Variants in ACOT6 observed in about 807,000 individuals in gnomAD.
ACOT6 encodes acyl-coenzyme A thioesterase 6.
In ACOT6, 14 loss-of-function variants were observed where a neutral mutation model predicts 12.3. The observed-to-expected ratio is 1.14, with a 90% CI of 0.75 to 1.78. The LOEUF is 1.78. Among genes scored for constraint, ACOT6 ranks in the 40% most tolerant of loss-of-function variants. The pLI is 0.00. For synonymous variants in ACOT6, 218 were observed against 231.3 expected (o/e 0.94, Z 0.52); for missense variants, 523 against 551.8 (o/e 0.95, Z 0.52).
Position 73,617,040 on chromosome 14 carries a change from C to T in ACOT6, c.508C>T (p.Leu170Phe). The change falls in exon 2 of 3, where the codon CTT becomes TTT. Residue 170 changes from leucine (L) to phenylalanine (F), a missense_variant. By Grantham distance (22) the Leu-to-Phe change is conservative (BLOSUM62 0). This residue lies in a region of ACOT6 where 304 missense variants were observed against 274.8 expected (regional missense o/e 1.11). Coordinates refer to ENST00000645972, the MANE Select transcript of ACOT6 (RefSeq NM_001365788.1). Reference sequence around the variant, plus strand: ...TGATCTGTTTGGGAGCAGCAGGGGCCTTTGTGAATACAGGGCCAGCCTCCT... The same window carrying T: ...TGATCTGTTTGGGAGCAGCAGGGGCTTTTGTGAATACAGGGCCAGCCTCCT... ...IIDLFGSSRG[L>F]CEYRASLLAG... 9.4e-7 allele frequency: 1 copy of T among 1,066,158 alleles called. No homozygotes were observed. Among genetic ancestry groups the T allele is most frequent in the Non-Finnish European group, 1.5e-6 (1 of 689,266 alleles). 66.0% of individuals were successfully genotyped at this position (1,066,158 alleles called of 1,614,324 possible).
chr14:73,617,174 T>C lies in ACOT6; in HGVS notation c.642T>C (p.Phe214=), dbSNP rs972966221. The C allele has an allele frequency of 2.5e-6, 4 of 1,614,206 alleles. No individual in the cohort carries two copies. The highest frequency in any genetic ancestry group is 3.4e-6 in the Non-Finnish European group (4 of 1,180,046). ...AGTACTTTGAAGAAGCCGTGGACTT[T>C]ATGCTGCAGCATCCAAAGGTGCGTT... The part of the protein sequence containing the change: ...HLEYFEEAVD[F]MLQHPKVKGP... The change falls in exon 2 of 3, where the codon TTT becomes TTC. Residue 214 remains phenylalanine (F), a synonymous_variant. Transcript: ENST00000645972.
At chr14:73,613,341 G>C (rs1243604255) in intron 1 of ACOT6, among the ~76,000 whole-genome samples, 1 of 152,110 alleles carries the variant, frequency 6.6e-6, no homozygotes, top group Non-Finnish European at 1.5e-5. Flanking sequence ...GTGCTGAATA[G>C]TGCATTCAAC....
chr14:73,615,399 A>AAAAG (rs1890518403), intron 1 of ACOT6, among the ~76,000 whole-genome samples: 1 of 143,818 alleles, frequency 7.0e-6, no homozygotes, highest in African/African-American at 2.6e-5. Context: ...AAAAAAAAAA[A>AAAAG]AAAAAAAACA....
upstream of ACOT6, chr14:73,611,391 G>T (rs1890442739): frequency 6.6e-6 from 1 of 152,180 alleles, no homozygotes; most frequent in African/African-American, 2.4e-5. Context: ...CTATCAGACT[G>T]CCCCCTTCCC....
intron 1 of ACOT6, among the ~76,000 whole-genome samples, chr14:73,614,090 G>C (rs1890494838): frequency 6.6e-6 from 1 of 150,494 alleles, no homozygotes; most frequent in Admixed American, 6.6e-5. Context: ...AGTCCCAGCT[G>C]CTTGGGAGGC....
In ACOT6 at chr14:73,619,583, T is replaced by G. The variant is rs1184660659; in HGVS notation, c.1010T>G (p.Ile337Arg). The G allele has an allele frequency of 1.2e-6, 2 of 1,614,100 alleles. No individual in the cohort carries two copies. The highest frequency in any genetic ancestry group is 2.7e-5 in the African/African-American group (2 of 74,936). Residue 337 changes from isoleucine to arginine, a missense_variant, in exon 3 of 3, where the codon ATA becomes AGA. Ile to Arg is a moderately conservative substitution (Grantham distance 97). Coordinates refer to ENST00000645972, the MANE Select transcript of ACOT6 (RefSeq NM_001365788.1). ...TGGAAGAGTGAATTCTATGCTCAGA[T>G]AGCCTCTGAAAGGCTACAAGCTCAT... ...QSWKSEFYAQ[I>R]ASERLQAHGK...
rs1323671505 is a variant in ACOT6, at chr14:73,612,912, C to T, written c.341C>T (p.Thr114Ile). The change falls in exon 1 of 3, where the codon ACC (threonine) becomes ATC (isoleucine). Residue 114 changes from threonine (T) to isoleucine (I), a missense_variant. This residue lies in a region of ACOT6 where 304 missense variants were observed against 274.8 expected (regional missense o/e 1.11). Coordinates refer to ENST00000645972, the MANE Select transcript of ACOT6 (RefSeq NM_001365788.1). ...VELEVLDGHD[T>I]EPGRLLCLAQ... ...CTGGAAGTGCTGGACGGCCACGACACCGAGCCCGGGCGGCTGCTGTGCCTG... is the reference window on the plus strand; with the variant it reads ...CTGGAAGTGCTGGACGGCCACGACATCGAGCCCGGGCGGCTGCTGTGCCTG... The T allele has an allele frequency of 1.5e-6, 2 of 1,359,416 alleles. No homozygotes were observed. The highest frequency in any genetic ancestry group is 9.8e-7 in the Non-Finnish European group (1 of 1,017,478). The allele number at this position is 1,359,416 out of a possible 1,614,324, so 84.2% of individuals were successfully genotyped here.
chr14:73,617,094 C>G lies in ACOT6; in HGVS notation c.562C>G (p.Leu188Val). Residue 188 changes from leucine (L) to valine (V), a missense_variant, in exon 2 of 3, where the codon CTG becomes GTG. Transcript: ENST00000645972. ...LAGHGFAVLALAYFRFEDLPE... is the reference protein window; with the variant it reads ...LAGHGFAVLAVAYFRFEDLPE... ...CGGACATGGTTTTGCTGTGCTTGCC[C>G]TGGCTTATTTCAGATTTGAAGACCT... is the stretch of plus-strand genomic sequence containing the variant. 6.3e-7 allele frequency: 1 copy of G among 1,576,640 alleles called. No individual in the cohort carries two copies.
At chr14:73,618,955 C>T (rs1482983770) in intron 2 of ACOT6, among the ~76,000 whole-genome samples, 1 of 152,058 alleles carries the variant, frequency 6.6e-6, no homozygotes, top group Admixed American at 6.6e-5. Context: ...CATGGTGAAA[C>T]CCTGTCTCTA....
chr14:73,612,782 A>C lies in ACOT6; in HGVS notation c.211A>C (p.Ser71Arg), dbSNP rs12587206. The change falls in exon 1 of 3, where the codon AGC becomes CGC. Residue 71 changes from serine to arginine, a missense_variant. Transcript: ENST00000645972. Reference sequence around the variant, plus strand: ...GGAGCGCGCGCCCGCGCTGGGAGGCAGCTTCGCGGGGCTCCAGCCCATGGG... The same window carrying C: ...GGAGCGCGCGCCCGCGCTGGGAGGCCGCTTCGCGGGGCTCCAGCCCATGGG... ...DLERAPALGG[S>R]FAGLQPMGLL... is the part of the protein sequence containing the mutation. 622,793 of 1,357,624 alleles carry C rather than the reference A, an allele frequency of 0.46. 148,204 individuals are homozygous for C. The highest frequency in any genetic ancestry group is 0.87 in the East Asian group (28,323 of 32,414). 84.1% of individuals were successfully genotyped at this position (1,357,624 alleles called of 1,614,324 possible).
At chr14:73,612,333 C>T (rs1403745525), upstream of ACOT6, among the ~76,000 whole-genome samples, 2 of 152,214 alleles carry the variant, frequency 1.3e-5, no homozygotes, top group African/African-American at 4.8e-5. Flanking sequence ...TGATCCACCG[C>T]CCCCGGCCGG....
chr14:73,613,070 C>T (rs1890477581), intron 1 of ACOT6, 38 bp downstream of exon 1: 1 of 585,068 alleles, frequency 1.7e-6, no homozygotes, highest in African/African-American at 2.0e-5. Flanking sequence ...CTGCGACCCC[C>T]ACCGGCCCCT....
chr14:73,612,294 G>A (rs369824440), upstream of ACOT6, among the ~76,000 whole-genome samples: 42 of 152,224 alleles, frequency 2.8e-4, no homozygotes, highest in African/African-American at 9.9e-4. Flanking sequence ...CACCCACCTC[G>A]GCCTCCCAAA....
At chr14:73,615,648 T>A (rs1372559958) in intron 1 of ACOT6, among the ~76,000 whole-genome samples, 1 of 151,856 alleles carries the variant, frequency 6.6e-6, no homozygotes, top group Non-Finnish European at 1.5e-5. Context: ...GAGAATCGCT[T>A]GAACCCGGGG....
intron 1 of ACOT6, among the ~76,000 whole-genome samples, chr14:73,615,722 A>C (rs1890526576): frequency 6.6e-6 from 1 of 150,854 alleles, no homozygotes; most frequent in Non-Finnish European, 1.5e-5. Flanking sequence ...AACAAGAGTG[A>C]AACCTTGTCT....
At position 73,612,524 on chromosome 14, in the gene ACOT6, C is replaced by G; in HGVS notation, c.-48C>G. On this transcript the variant is annotated 5_prime_UTR_variant, in exon 1 of 3. Transcript: ENST00000645972. ...GCGCTCGGCAAAGCCGCCAGGCCCG[C>G]CCACTGACTCCGCGGAGCTGGGTCG... 1 of 1,187,084 alleles carries G rather than the reference C, an allele frequency of 8.4e-7. No homozygotes were observed. Among genetic ancestry groups the G allele is most frequent in the Non-Finnish European group, 1.1e-6 (1 of 918,540 alleles). The allele number at this position is 1,187,084 out of a possible 1,614,324, so 73.5% of individuals were successfully genotyped here. A position where few individuals can be genotyped will look rare whatever the true frequency, so the allele number is the denominator to read the frequency against.
In ACOT6 at chr14:73,612,829, C is replaced by G; in HGVS notation, c.258C>G (p.Pro86=). The part of the protein sequence containing the change: ...QPMGLLWALE[P]EKALVRLVKR... ...TGGGGCTGCTGTGGGCGTTGGAGCC[C>G]GAGAAAGCCTTGGTGCGGCTGGTGA... The change falls in exon 1 of 3, where the codon CCC becomes CCG. Residue 86 remains proline, a synonymous_variant. Coordinates refer to ENST00000645972, the MANE Select transcript of ACOT6 (RefSeq NM_001365788.1). 7.0e-7 allele frequency: 1 copy of G among 1,424,914 alleles called. No homozygotes were observed. 88.3% of individuals were successfully genotyped at this position (1,424,914 alleles called of 1,614,324 possible).
chr14:73,619,630 ATC>A lies in ACOT6; in HGVS notation c.1059_1060del (p.Ile353MetfsTer10). The A allele has an allele frequency of 6.2e-7, 1 of 1,614,200 alleles. No individual in the cohort carries two copies. The highest frequency in any genetic ancestry group is 8.5e-7 in the Non-Finnish European group (1 of 1,180,028). On this transcript the variant is annotated frameshift_variant, in exon 3 of 3. Coordinates refer to ENST00000645972, the MANE Select transcript of ACOT6 (RefSeq NM_001365788.1). LOFTEE classifies it low-confidence loss of function (END_TRUNC). ...QAHGKERPQI[I>X]CYPETGHCID... ...TCATGGGAAAGAAAGACCCCAGATAATCTGTTACCCAGAAACTGGTCACTGTA... is the reference window on the plus strand; with the variant it reads ...TCATGGGAAAGAAAGACCCCAGATAATGTTACCCAGAAACTGGTCACTGTA...
At position 73,615,388 on chromosome 14, in the gene ACOT6, T is replaced by TAAA. The variant is rs1160138803; in HGVS notation, c.462-1589_462-1587dup. Among the ~76,000 whole-genome samples the TAAA allele has an allele frequency of 5.5e-3, 346 of 63,252 alleles. 16 individuals carry two copies. The highest frequency in any genetic ancestry group is 0.013 in the African/African-American group (127 of 9,996). The allele number at this position is 63,252 out of a possible 152,430, so 41.5% of individuals were successfully genotyped here. On this transcript the variant is annotated intron_variant, in intron 1 of 2. Transcript: ENST00000645972. ...GGCAACAGAGAGAGACTCTGTCTGA[T>TAAA]AAAAAAAAAAAAAAAAAAACAAAAA...
Sources: allele counts gnomAD v4.1 joint callset (sites outside exome capture counted in the v4.1 genomes callset), GRCh38; gene constraint gnomAD v4.1.1; regional missense constraint gnomAD v4.1.1; transcripts MANE v1.5; gene names NCBI Gene and HGNC (gene_info 2026-07-23, HGNC 2026-07-21).